Variants in PARD3B observed in about 807,000 individuals in gnomAD.
PARD3B encodes partitioning defective 3 homolog B.
A neutral mutation model predicts 130.2 loss-of-function variants in PARD3B; 103 were observed. The ratio of observed to expected loss-of-function variants is 0.79; its 90% CI spans 0.67 to 0.93. The LOEUF is 0.93. Among genes scored for constraint, PARD3B ranks in the 40% least tolerant of loss-of-function variants. The pLI is 0.00. For missense variants in PARD3B, 1,609 were observed against 1,499.2 expected (o/e 1.07, Z -1.21); for synonymous variants, 583 against 553.2 (o/e 1.05, Z -0.76).
chr2:204,697,957 T>G (rs1383454447), intron 2 of PARD3B, among the ~76,000 whole-genome samples: 1 of 152,118 alleles, frequency 6.6e-6, no homozygotes, highest in Non-Finnish European at 1.5e-5. Flanking sequence ...TGGGAGAAAT[T>G]TTCTCCGAAT....
intron 15 of PARD3B, among the ~76,000 whole-genome samples, chr2:205,217,889 TATATA>T (rs1298208153): frequency 0.23 from 18,767 of 81,034 alleles, 3,256 homozygotes; most frequent in East Asian, 0.53. Flanking sequence ...TATATATATA[TATATA>T]TTTTTTTTTT....
chr2:205,522,293 T>C (rs1266862208), intron 21 of PARD3B, among the ~76,000 whole-genome samples: 2 of 151,798 alleles, frequency 1.3e-5, no homozygotes, highest in Admixed American at 1.3e-4. Flanking sequence ...TTTTTTTTTC[T>C]AAGTATTCTA....
intron 1 of PARD3B, among the ~76,000 whole-genome samples, chr2:204,674,890 T>C (rs1244882491): frequency 1.3e-5 from 2 of 152,258 alleles, no homozygotes; most frequent in Non-Finnish European, 2.9e-5. Flanking sequence ...ATTGGAGATA[T>C]TAAGTAAACT....
chr2:204,861,071 T>C (rs1016571669), intron 2 of PARD3B, among the ~76,000 whole-genome samples: 1 of 152,128 alleles, frequency 6.6e-6, no homozygotes, highest in African/African-American at 2.4e-5. Flanking sequence ...AAGCCACTTA[T>C]TACAAATAGA....
rs562458891 is a variant in PARD3B, at chr2:205,128,268, G to T, written c.1434+2531G>T. Among the ~76,000 whole-genome samples the T allele has an allele frequency of 2.0e-5, 3 of 152,292 alleles. No homozygotes were observed. Among genetic ancestry groups the T allele is most frequent in the Non-Finnish European group, 4.4e-5 (3 of 68,028 alleles). ...ACTAGGAACTTAAACCCTCGAGCCT[G>T]CAGTTTCTGTCTAGTAGTTCCTTAT... On this transcript the variant is annotated intron_variant, in intron 10 of 22. Transcript: ENST00000406610. This position sits in a 1 kb window ranked among gnomAD's most constrained non-coding sequence, Gnocchi z 4.5.
chr2:205,158,851 G>A lies in PARD3B; in HGVS notation c.1564G>A (p.Gly522Arg). Reference protein sequence around the residue: ...SLKGNKSRETGTDLGIFIKSI... With the variant: ...SLKGNKSRETRTDLGIFIKSI... ...AAAAGGGAACAAATCCAGAGAAACT[G>A]GAACAGACTTGGGGATTTTTATCAA... Residue 522 changes from glycine to arginine, a missense_variant, in exon 11 of 23, where the codon GGA (glycine) becomes AGA (arginine). Coordinates refer to ENST00000406610, the MANE Select transcript of PARD3B (RefSeq NM_001302769.2). This position sits in a 1 kb window ranked among gnomAD's most constrained non-coding sequence, Gnocchi z 5.4. 1 of 1,614,102 alleles carries A rather than the reference G, an allele frequency of 6.2e-7. No homozygotes were observed. Among genetic ancestry groups the A allele is most frequent in the South Asian group, 1.1e-5 (1 of 91,074 alleles).
chr2:205,050,489 C>T (rs1372400425), intron 4 of PARD3B, among the ~76,000 whole-genome samples: 1 of 151,802 alleles, frequency 6.6e-6, no homozygotes, highest in South Asian at 2.1e-4. Context: ...AGTTTAGTAG[C>T]CACTAGCCAC....
intron 12 of PARD3B, among the ~76,000 whole-genome samples, chr2:205,174,856 G>T (rs957993895): frequency 6.6e-6 from 1 of 152,156 alleles, no homozygotes; most frequent in African/African-American, 2.4e-5. Context: ...AATACATAAT[G>T]AGCCCTTGAT....
At chr2:205,467,606 A>T (rs59094976) in intron 20 of PARD3B, among the ~76,000 whole-genome samples, 6,264 of 152,090 alleles carry the variant, frequency 0.041, 442 homozygotes, top group African/African-American at 0.14. Context: ...TACTTTTTTC[A>T]TGGTGGAATG....
intron 2 of PARD3B, among the ~76,000 whole-genome samples, chr2:204,935,144 T>C (rs1688318575): frequency 8.2e-6 from 1 of 121,808 alleles, no homozygotes; most frequent in Admixed American, 8.0e-5. Context: ...TTGTTTTCCC[T>C]ACTTTTTTTT....
chr2:204,674,474 A>G (rs544487473), intron 1 of PARD3B, among the ~76,000 whole-genome samples: 1 of 140,368 alleles, frequency 7.1e-6, no homozygotes, highest in Admixed American at 7.9e-5. Flanking sequence ...ATAATCCCTT[A>G]CTATTCCTAT....
intron 6 of PARD3B, among the ~76,000 whole-genome samples, chr2:205,115,306 G>A (rs1703946758): frequency 6.6e-6 from 1 of 152,132 alleles, no homozygotes; most frequent in South Asian, 2.1e-4. Context: ...AGAACAACTG[G>A]ATTTGAATCC....
At chr2:204,843,679 A>G (rs1202077572) in intron 2 of PARD3B, among the ~76,000 whole-genome samples, 3 of 152,084 alleles carry the variant, frequency 2.0e-5, no homozygotes, top group Non-Finnish European at 2.9e-5. Flanking sequence ...CCAGTCCAGA[A>G]CTCAGTTTCC....
intron 2 of PARD3B, among the ~76,000 whole-genome samples, 164 bp from the exon 3 acceptor site, chr2:204,964,988 A>G (rs1341907542): frequency 5.9e-5 from 9 of 152,224 alleles, no homozygotes; most frequent in Non-Finnish European, 4.4e-5. Flanking sequence ...GCTTATAGAC[A>G]TAATATTATT....
At chr2:205,169,515 T>C (rs570415355) in intron 11 of PARD3B, among the ~76,000 whole-genome samples, 1 of 152,348 alleles carries the variant, frequency 6.6e-6, no homozygotes, top group African/African-American at 2.4e-5. Flanking sequence ...CACTCTGACG[T>C]TGTCTCATAC....
chr2:204,658,627 T>C (rs971665866), intron 1 of PARD3B, among the ~76,000 whole-genome samples: 3 of 152,190 alleles, frequency 2.0e-5, no homozygotes, highest in African/African-American at 4.8e-5. Context: ...AAATTATTTT[T>C]TTTTTCTTTT....
At chr2:204,634,578 A>G (rs913260171) in intron 1 of PARD3B, among the ~76,000 whole-genome samples, 5 of 152,130 alleles carry the variant, frequency 3.3e-5, no homozygotes, top group African/African-American at 1.2e-4. Context: ...TATTTGTTGA[A>G]GAAACAGGAT....
At chr2:205,302,040 C>T (rs1472033415) in intron 18 of PARD3B, 4 of 438,038 alleles carry the variant, frequency 9.1e-6, no homozygotes, top group Non-Finnish European at 1.2e-5. Context: ...TAGGGAGACC[C>T]TATTCTTTTT....
chr2:205,385,291 A>G (rs1342783565), intron 18 of PARD3B, among the ~76,000 whole-genome samples: 1 of 152,106 alleles, frequency 6.6e-6, no homozygotes, highest in East Asian at 1.9e-4. Flanking sequence ...AAACCTAGAA[A>G]TATATTGCCC....
Sources: allele counts gnomAD v4.1 joint callset (sites outside exome capture counted in the v4.1 genomes callset), GRCh38; gene constraint gnomAD v4.1.1; non-coding constraint Gnocchi (gnomAD v3.1); transcripts MANE v1.5; gene names NCBI Gene and HGNC (gene_info 2026-07-23, HGNC 2026-07-21).